PRKCA: variants seen among roughly 807,000 people sequenced by gnomAD.
The protein encoded by PRKCA is protein kinase C alpha type.
Under a neutral mutation model 87.0 loss-of-function variants are expected in PRKCA, and 27 were observed. The ratio of observed to expected loss-of-function variants is 0.31; its 90% CI spans 0.23 to 0.43. The LOEUF is 0.43. PRKCA is among the 20% of genes least tolerant of loss of function. The pLI is 1.00. For synonymous variants in PRKCA, 329 were observed against 311.1 expected (o/e 1.06, Z -0.61); for missense variants, 518 against 852.3 (o/e 0.61, Z 4.88).
intron 2 of PRKCA, among the ~76,000 whole-genome samples, chr17:66,451,702 C>T (rs142492714): frequency 1.1e-4 from 17 of 152,104 alleles, no homozygotes; most frequent in African/African-American, 3.9e-4. Flanking sequence ...GGGAGTGGGG[C>T]GAGAGATGGA....
At chr17:66,473,052 C>G (rs9902079) in intron 2 of PRKCA, among the ~76,000 whole-genome samples, 1 of 152,152 alleles carries the variant, frequency 6.6e-6, no homozygotes, top group African/African-American at 2.4e-5. Context: ...AGGAATTGCC[C>G]CATGCCCTGC....
intron 8 of PRKCA, among the ~76,000 whole-genome samples, chr17:66,728,278 G>C (rs1262373631): frequency 6.6e-6 from 1 of 152,172 alleles, no homozygotes; most frequent in Admixed American, 6.5e-5. Context: ...TCTGGGCCAG[G>C]CCACTGAGAA....
intron 15 of PRKCA, chr17:66,787,308 G>A (rs748952289): frequency 1.1e-4 from 45 of 413,672 alleles, no homozygotes; most frequent in Non-Finnish European, 2.0e-4. Flanking sequence ...ACACACCATC[G>A]TTTCCTTATC....
chr17:66,746,970 G>A (rs1329872620), intron 13 of PRKCA, among the ~76,000 whole-genome samples: 2 of 152,214 alleles, frequency 1.3e-5, no homozygotes, highest in Admixed American at 6.5e-5. Context: ...CTGGAAGAAA[G>A]AGAAGCAGGA....
intron 8 of PRKCA, among the ~76,000 whole-genome samples, chr17:66,702,135 CAT>C (rs147965167): frequency 0.014 from 2,102 of 150,030 alleles, 50 homozygotes; most frequent in African/African-American, 0.047. Context: ...TGTGCATATT[CAT>C]ATATATATAT....
chr17:66,774,250 A>G, intron 14 of PRKCA, 183 bp downstream of exon 14: 1 of 1,444,416 alleles, frequency 6.9e-7, no homozygotes, highest in Non-Finnish European at 9.1e-7. Flanking sequence ...GTATGCACAG[A>G]AATTATCTCT....
At chr17:66,592,391 A>G (rs939827704) in intron 3 of PRKCA, among the ~76,000 whole-genome samples, 6 of 151,062 alleles carry the variant, frequency 4.0e-5, no homozygotes, top group Non-Finnish European at 8.8e-5. Flanking sequence ...CCATTTTATC[A>G]AAGAAAAGTT....
intron 2 of PRKCA, among the ~76,000 whole-genome samples, chr17:66,418,943 G>C (rs1200556576): frequency 6.8e-6 from 1 of 147,982 alleles, no homozygotes; most frequent in African/African-American, 2.5e-5. Flanking sequence ...TGTATTTTTA[G>C]TAGAGAAGGG....
At chr17:66,541,806 G>A (rs1598753024) in intron 3 of PRKCA, among the ~76,000 whole-genome samples, 1 of 152,314 alleles carries the variant, frequency 6.6e-6, no homozygotes, top group African/African-American at 2.4e-5. Context: ...ATGTACAACT[G>A]CATTGTTTAA....
intron 3 of PRKCA, among the ~76,000 whole-genome samples, chr17:66,504,261 G>A (rs916268572): frequency 6.8e-6 from 1 of 146,418 alleles, no homozygotes; most frequent in African/African-American, 2.5e-5. Context: ...AATTGCAAGG[G>A]TAAACCAATT....
intron 3 of PRKCA, among the ~76,000 whole-genome samples, chr17:66,607,024 T>TG (rs1327452100): frequency 2.6e-5 from 4 of 152,152 alleles, no homozygotes; most frequent in Non-Finnish European, 5.9e-5. Flanking sequence ...GGGAAATTTT[T>TG]TCATTTCTTA....
intron 14 of PRKCA, among the ~76,000 whole-genome samples, chr17:66,785,754 G>T (rs549463084): frequency 6.6e-6 from 1 of 152,202 alleles, no homozygotes; most frequent in Admixed American, 6.5e-5. Flanking sequence ...GCCTTCATTC[G>T]GCGCTTATTG....
intron 3 of PRKCA, among the ~76,000 whole-genome samples, chr17:66,577,968 CT>C (rs1386281784): frequency 2.6e-5 from 4 of 152,034 alleles, no homozygotes; most frequent in African/African-American, 9.7e-5. Flanking sequence ...CGCACACCTG[CT>C]CTGTGCCATG....
chr17:66,664,737 A>G (rs1231183121), intron 5 of PRKCA, among the ~76,000 whole-genome samples: 2 of 132,652 alleles, frequency 1.5e-5, no homozygotes, highest in Non-Finnish European at 3.0e-5. Flanking sequence ...CACCGCAGCC[A>G]TGATGAGCTG....
chr17:66,681,545 T>C (rs1000463351), intron 5 of PRKCA, among the ~76,000 whole-genome samples: 5 of 152,206 alleles, frequency 3.3e-5, no homozygotes, highest in African/African-American at 4.8e-5. Context: ...ACTTACTTTG[T>C]CCTGGGTTCT....
intron 2 of PRKCA, among the ~76,000 whole-genome samples, chr17:66,461,906 A>T (rs1167031134): frequency 6.6e-6 from 1 of 151,586 alleles, no homozygotes; most frequent in Non-Finnish European, 1.5e-5. Context: ...ACCGAGGAGG[A>T]GACTGGGGTT....
chr17:66,684,037 C>G (rs1025139819), intron 5 of PRKCA, among the ~76,000 whole-genome samples: 46 of 152,172 alleles, frequency 3.0e-4, no homozygotes, highest in Admixed American at 3.0e-3. Flanking sequence ...GAGTAATGCC[C>G]CCTAGCATTG....
chr17:66,380,268 T>C (rs1242727634), intron 2 of PRKCA, among the ~76,000 whole-genome samples: 1 of 152,078 alleles, frequency 6.6e-6, no homozygotes, highest in Non-Finnish European at 1.5e-5. Flanking sequence ...AGTATGCAAC[T>C]TGATTGTCTG....
intron 2 of PRKCA, among the ~76,000 whole-genome samples, chr17:66,398,886 A>G (rs945193093): frequency 4.6e-5 from 7 of 152,172 alleles, no homozygotes; most frequent in African/African-American, 1.7e-4. Flanking sequence ...CAGAGTGATG[A>G]TGTTTACTTT....
Sources: gnomAD v4.1 joint callset for allele counts (sites outside exome capture counted in the v4.1 genomes callset) on GRCh38, gnomAD v4.1.1 for gene constraint, MANE v1.5 for transcripts, NCBI Gene and HGNC (gene_info 2026-07-23, HGNC 2026-07-21) for gene names.